SRR: variants seen among roughly 807,000 people sequenced by gnomAD.
SRR encodes the protein D-serine ammonia-lyase.
SRR carries 19 observed loss-of-function variants against 32.7 expected under a neutral mutation model. That is an observed-to-expected ratio of 0.58 (90% CI 0.40 to 0.85). SRR has a LOEUF of 0.85. SRR is among the 40% of genes least tolerant of loss of function. SRR has a pLI of 0.00. For synonymous variants in SRR, 142 were observed against 140.9 expected, an observed-to-expected ratio of 1.01 and a Z score of -0.06; for missense variants, 373 against 404.7, an observed-to-expected ratio of 0.92 and a Z score of 0.67.
intron 3 of SRR, among the ~76,000 whole-genome samples, 193 bp downstream of exon 3, chr17:2,318,189 G>C (rs2075493452): frequency 6.6e-6 from 1 of 152,068 alleles, no homozygotes; most frequent in South Asian, 2.1e-4. Context: ...CTGTCACCCA[G>C]GCTGGAGAGC....
At chr17:2,306,673 C>T (rs568828660) in intron 1 of SRR, 426 of 436,516 alleles carry the variant, frequency 9.8e-4, no homozygotes, top group Non-Finnish European at 1.7e-3. Context: ...GCCGAGATCA[C>T]GCCACTGCAC....
intron 3 of SRR, 92 bp downstream of exon 3, chr17:2,318,088 TAA>T: frequency 7.3e-7 from 1 of 1,361,044 alleles, no homozygotes; most frequent in Non-Finnish European, 9.8e-7. Flanking sequence ...CTGTGGGAAG[TAA>T]CTTTCCAAAG....
At position 2,317,988 on chromosome 17, in the gene SRR, A is replaced by G. The variant is rs2075491443; in HGVS notation, c.287A>G (p.Lys96Arg). ...NHGQALTYAA[K>R]LEGIPAYIVV... ...GGCCAGGCTCTCACCTATGCTGCCAAATTGGAAGGTACTTGATTTCTCAAG... is the reference window on the plus strand; with the variant it reads ...GGCCAGGCTCTCACCTATGCTGCCAGATTGGAAGGTACTTGATTTCTCAAG... The change falls in exon 3 of 8, where the codon AAA (lysine) becomes AGA (arginine). Residue 96 changes from lysine (K) to arginine (R), a missense_variant. Coordinates refer to ENST00000344595, the MANE Select transcript of SRR (RefSeq NM_021947.3). The G allele has an allele frequency of 1.9e-6, 3 of 1,612,510 alleles. No homozygotes were observed. Among genetic ancestry groups the G allele is most frequent in the South Asian group, 1.1e-5 (1 of 90,790 alleles).
Position 2,321,381 on chromosome 17 carries a change from G to A in SRR, c.475G>A (p.Val159Met). ...GGTACATCCCAACCAGGAGCCTGCAGTGATAGCTGGACAAGGGACAATTGC... is the reference window on the plus strand; with the variant it reads ...GGTACATCCCAACCAGGAGCCTGCAATGATAGCTGGACAAGGGACAATTGC... ...IMVHPNQEPA[V>M]IAGQGTIALE... Residue 159 changes from valine (V) to methionine (M), a missense_variant, in exon 5 of 8, where the codon GTG becomes ATG. Coordinates refer to ENST00000344595, the MANE Select transcript of SRR (RefSeq NM_021947.3). 1 of 1,612,742 alleles carries A rather than the reference G, an allele frequency of 6.2e-7. No individual in the cohort carries two copies. Among genetic ancestry groups the A allele is most frequent in the Non-Finnish European group, 8.5e-7 (1 of 1,179,644 alleles).
chr17:2,303,578 G>A, upstream of SRR: 2 of 1,374,878 alleles, frequency 1.5e-6, no homozygotes, highest in East Asian at 3.1e-5. Context: ...CAGAGGAGGA[G>A]GAGAGGGAGG....
chr17:2,316,311 T>G (rs2075472329), intron 2 of SRR, among the ~76,000 whole-genome samples: 1 of 152,200 alleles, frequency 6.6e-6, no homozygotes, highest in African/African-American at 2.4e-5. Flanking sequence ...ATCCCCATCC[T>G]TAAGCAAAGC....
At chr17:2,303,421 T>C (rs754976700), upstream of SRR, 36 of 1,257,388 alleles carry the variant, frequency 2.9e-5, no homozygotes, top group Non-Finnish European at 3.6e-5. Context: ...CGGGCCAGGC[T>C]CTCCCGGAGC....
chr17:2,322,012 A>G (rs954228538), intron 6 of SRR, among the ~76,000 whole-genome samples: 9 of 152,072 alleles, frequency 5.9e-5, no homozygotes, highest in African/African-American at 2.2e-4. Flanking sequence ...TGAACTCCTG[A>G]CCTTGCGATC....
chr17:2,319,938 C>A (rs943246876), intron 4 of SRR, among the ~76,000 whole-genome samples: 6 of 151,468 alleles, frequency 4.0e-5, no homozygotes, highest in Admixed American at 6.6e-5. Flanking sequence ...CTTGCCTCAG[C>A]CTCCCGAGTA....
chr17:2,315,595 T>C lies in SRR; in HGVS notation c.35T>C (p.Val12Ala). ...CAGTATTGCATCTCCTTTGCTGATG[T>C]TGAAAAAGCTCATATCAACATTCGA... ...CAQYCISFAD[V>A]EKAHINIRDS... Residue 12 changes from valine to alanine, a missense_variant, in exon 2 of 8, where the codon GTT (valine) becomes GCT (alanine). Val to Ala is a moderately conservative substitution (Grantham distance 64). Transcript: ENST00000344595. The C allele has an allele frequency of 1.2e-6, 2 of 1,614,062 alleles. No individual in the cohort carries two copies. Among genetic ancestry groups the C allele is most frequent in the African/African-American group, 1.3e-5 (1 of 75,050 alleles).
intron 1 of SRR, among the ~76,000 whole-genome samples, chr17:2,313,155 C>T (rs1022657527): frequency 6.6e-6 from 1 of 152,300 alleles, no homozygotes; most frequent in Non-Finnish European, 1.5e-5. Context: ...TAAAGCCGGG[C>T]GCAGTGGCTC....
chr17:2,323,358 CAAGAA>C lies in SRR; in HGVS notation c.804+20_804+24del. 6.2e-7 allele frequency: 1 copy of C among 1,613,610 alleles called. No homozygotes were observed. The highest frequency in any genetic ancestry group is 8.5e-7 in the Non-Finnish European group (1 of 1,179,656). On this transcript the variant is annotated intron_variant, in intron 7 of 7. Transcript: ENST00000344595. ...GGATGAAATTAAGGTGAGGCTCCAGCAAGAAAAGAAATAGCAAAGCATGGTGTAAC... is the reference window on the plus strand; with the variant it reads ...GGATGAAATTAAGGTGAGGCTCCAGCAAGAAATAGCAAAGCATGGTGTAAC...
rs770346610 is a variant in SRR, at chr17:2,324,284, T to C, written c.*411T>C. ...TGGTACATATGGATCATAAGTCCAT[T>C]TGGGGAAGACTCGTTTATACAGGTT... On this transcript the variant is annotated 3_prime_UTR_variant, in exon 8 of 8. Coordinates refer to ENST00000344595, the MANE Select transcript of SRR (RefSeq NM_021947.3). The C allele has an allele frequency of 1.9e-6, 3 of 1,556,438 alleles. No homozygotes were observed. The highest frequency in any genetic ancestry group is 2.6e-6 in the Non-Finnish European group (3 of 1,156,664).
Position 2,317,614 on chromosome 17 carries a change from T to C in SRR, c.169-256T>C, listed in dbSNP as rs547056989. 2.9e-4 allele frequency among the ~76,000 whole-genome samples: 44 copies of C among 151,424 alleles called. No homozygotes were observed. The East Asian group carries it at 8.4e-3, about 29-fold the overall frequency. ...CAGGAAAATCACTTGAACCCGGCCC[T>C]GGGGGTAGACGCAGTGTGGGGAGGC... On this transcript the variant is annotated intron_variant, in intron 2 of 7. Transcript: ENST00000344595.
At chr17:2,305,645 CAAGA>C (rs1195570785) in intron 1 of SRR, among the ~76,000 whole-genome samples, 2 of 152,138 alleles carry the variant, frequency 1.3e-5, no homozygotes, top group Admixed American at 1.3e-4. Context: ...AAAGAAATGA[CAAGA>C]AAGACAACCA....
chr17:2,303,572 G>A, upstream of SRR: 7 of 1,360,240 alleles, frequency 5.1e-6, no homozygotes, highest in Admixed American at 3.7e-5. Flanking sequence ...AGGAGGCAGA[G>A]GAGGAGGAGA....
chr17:2,324,155 G>T lies in SRR; in HGVS notation c.*282G>T, dbSNP rs774606553. 1 of 1,511,754 alleles carries T rather than the reference G, an allele frequency of 6.6e-7. No homozygotes were observed. Among genetic ancestry groups the T allele is most frequent in the East Asian group, 2.3e-5 (1 of 43,910 alleles). 93.6% of individuals were successfully genotyped at this position (1,511,754 alleles called of 1,614,324 possible). ...ACAACTTGTGCCTCCCATCCCTGGA[G>T]TACTGACTGGCACCGGTAAGACAGA... On this transcript the variant is annotated 3_prime_UTR_variant, in exon 8 of 8. Coordinates refer to ENST00000344595, the MANE Select transcript of SRR (RefSeq NM_021947.3).
At chr17:2,314,400 G>T (rs1200102753) in intron 1 of SRR, among the ~76,000 whole-genome samples, 1 of 152,062 alleles carries the variant, frequency 6.6e-6, no homozygotes, top group Non-Finnish European at 1.5e-5. Context: ...TGGCTAACAC[G>T]GTGAAACCCC....
Position 2,325,105 on chromosome 17 carries a change from G to T in SRR, c.*1232G>T. 1 of 589,276 alleles carries T rather than the reference G, an allele frequency of 1.7e-6. No homozygotes were observed. The highest frequency in any genetic ancestry group is 2.9e-6 in the Non-Finnish European group (1 of 343,800). The allele number at this position is 589,276 out of a possible 1,614,324, so 36.5% of individuals were successfully genotyped here. A position where few individuals can be genotyped will look rare whatever the true frequency, so the allele number is the denominator to read the frequency against. On this transcript the variant is annotated 3_prime_UTR_variant, in exon 8 of 8. Coordinates refer to ENST00000344595, the MANE Select transcript of SRR (RefSeq NM_021947.3). ...GTTGAACAAAAGGCAGTTATTTGAG[G>T]ACTGGCTATACACTGTTTCACGTAA... is the stretch of plus-strand genomic sequence containing the variant.
Sources: allele counts gnomAD v4.1 joint callset (sites outside exome capture counted in the v4.1 genomes callset), GRCh38; gene constraint gnomAD v4.1.1; transcripts MANE v1.5; gene names NCBI Gene and HGNC (gene_info 2026-07-23, HGNC 2026-07-21).